The following KIAA1217 variants were observed in gnomAD, a reference collection of about 807,000 sequenced individuals.
The protein encoded by KIAA1217 is sickle tail protein homolog.
In KIAA1217, 88 loss-of-function variants were observed where a neutral mutation model predicts 163.9. The ratio of observed to expected loss-of-function variants is 0.54; its 90% confidence interval spans 0.45 to 0.64. KIAA1217 has a LOEUF of 0.64. Among genes scored for constraint, KIAA1217 ranks in the 30% least tolerant of loss-of-function variants. The pLI is 0.00. For missense variants in KIAA1217, 2,372 were observed against 2,475.0 expected, an observed-to-expected ratio of 0.96 and a Z score of 0.88; for synonymous variants, 903 against 923.1, an observed-to-expected ratio of 0.98 and a Z score of 0.39.
chr10:24,123,252 A>G lies in KIAA1217; in HGVS notation c.-170-96374A>G, dbSNP rs12266752. 4.7e-3 allele frequency among the ~76,000 whole-genome samples: 719 copies of G among 152,180 alleles called. 5 individuals are homozygous for G. Among genetic ancestry groups the G allele is most frequent in the African/African-American group, 0.017 (685 of 41,512 alleles). ...TAAAATTTTAAAATACATAAAGCAT[A>G]GTCCATATTCTTTTGTAACTTTGTT... On this transcript the variant is annotated intron_variant, in intron 2 of 18. Transcript: ENST00000376462.
chr10:23,702,711 ATATAT>A (rs1336497297), intron 1 of KIAA1217, among the ~76,000 whole-genome samples: 2 of 151,536 alleles, frequency 1.3e-5, no homozygotes, highest in African/African-American at 2.4e-5. Flanking sequence ...ACACACACAA[ATATAT>A]TGTATTTTGT....
intron 2 of KIAA1217, among the ~76,000 whole-genome samples, chr10:24,337,829 G>C (rs911013804): frequency 6.6e-6 from 1 of 151,774 alleles, no homozygotes; most frequent in Admixed American, 6.6e-5. Flanking sequence ...ATTTTTAGTA[G>C]AGACAAGGTT....
At chr10:23,766,587 C>CTTTTTTTTT (rs766892555) in intron 1 of KIAA1217, among the ~76,000 whole-genome samples, 28 of 133,752 alleles carry the variant, frequency 2.1e-4, no homozygotes, top group African/African-American at 5.4e-4. Flanking sequence ...TTCTTTCTTT[C>CTTTTTTTTT]TTTTTTCTTT....
chr10:24,412,500 T>C (rs1007511265), intron 3 of KIAA1217, among the ~76,000 whole-genome samples: 1 of 152,242 alleles, frequency 6.6e-6, no homozygotes, highest in Non-Finnish European at 1.5e-5. Context: ...AGGTCACAGA[T>C]GATTCCATGG....
intron 2 of KIAA1217, among the ~76,000 whole-genome samples, chr10:24,178,869 G>A (rs964708603): frequency 6.6e-6 from 1 of 152,072 alleles, no homozygotes; most frequent in Non-Finnish European, 1.5e-5. Flanking sequence ...GACATATGAG[G>A]AAAAACAGAG....
At chr10:23,818,351 A>AATATAT (rs1554802293) in intron 1 of KIAA1217, among the ~76,000 whole-genome samples, 3 of 134,906 alleles carry the variant, frequency 2.2e-5, no homozygotes, top group East Asian at 2.1e-4. Flanking sequence ...TATATAAAAA[A>AATATAT]ATATATATAT....
At chr10:24,445,402 T>C (rs1317740650) in intron 5 of KIAA1217, among the ~76,000 whole-genome samples, 2 of 152,304 alleles carry the variant, frequency 1.3e-5, no homozygotes, top group East Asian at 3.9e-4. Context: ...ATTATTATAC[T>C]TTAAGTTTTA....
intron 2 of KIAA1217, among the ~76,000 whole-genome samples, chr10:24,282,823 C>CTTT (rs34486953): frequency 2.2e-4 from 10 of 46,278 alleles, no homozygotes; most frequent in African/African-American, 4.4e-4. Flanking sequence ...GGTGTTGCTT[C>CTTT]TTTTTTTTTT....
At chr10:24,456,149 G>C (rs550263119) in intron 5 of KIAA1217, among the ~76,000 whole-genome samples, 1 of 152,274 alleles carries the variant, frequency 6.6e-6, no homozygotes, top group South Asian at 2.1e-4. Context: ...GCCTCCCAAA[G>C]TGCTGGGACT....
intron 2 of KIAA1217, among the ~76,000 whole-genome samples, chr10:24,243,192 A>G (rs1208817242): frequency 6.6e-6 from 1 of 152,206 alleles, no homozygotes; most frequent in Non-Finnish European, 1.5e-5. Context: ...AGGGTAGAAA[A>G]GAGTTTTGAA....
At chr10:23,753,357 A>G (rs1833747799) in intron 1 of KIAA1217, among the ~76,000 whole-genome samples, 1 of 152,192 alleles carries the variant, frequency 6.6e-6, no homozygotes, top group Admixed American at 6.5e-5. Flanking sequence ...TGTTAATGGA[A>G]ATAATCTGAG....
intron 1 of KIAA1217, among the ~76,000 whole-genome samples, chr10:23,865,535 A>G (rs1337128976): frequency 6.6e-6 from 1 of 152,136 alleles, no homozygotes; most frequent in East Asian, 1.9e-4. Context: ...GTCTTTTGAC[A>G]TTATTTGTGA....
At chr10:23,932,771 A>G (rs1843309619) in intron 1 of KIAA1217, among the ~76,000 whole-genome samples, 1 of 152,212 alleles carries the variant, frequency 6.6e-6, no homozygotes, top group African/African-American at 2.4e-5. Flanking sequence ...ATTACTTTCT[A>G]GTTGGCAGAT....
At chr10:23,708,054 C>G (rs868438934) in intron 1 of KIAA1217, among the ~76,000 whole-genome samples, 1 of 152,310 alleles carries the variant, frequency 6.6e-6, no homozygotes, top group East Asian at 1.9e-4. Context: ...AATGGACTTA[C>G]AGTTCAATGT....
chr10:24,507,814 A>G (rs978599318), intron 9 of KIAA1217, among the ~76,000 whole-genome samples: 4 of 152,214 alleles, frequency 2.6e-5, no homozygotes, highest in Middle Eastern at 3.2e-3. Context: ...TGGTAGTCAA[A>G]TTGCTAAAAA....
At chr10:24,426,361 C>T (rs1023524734) in intron 3 of KIAA1217, among the ~76,000 whole-genome samples, 1 of 152,120 alleles carries the variant, frequency 6.6e-6, no homozygotes, top group Non-Finnish European at 1.5e-5. Context: ...GGTGGCTCCA[C>T]CTGTAATCCT....
At chr10:23,880,087 G>A (rs1410015490) in intron 1 of KIAA1217, among the ~76,000 whole-genome samples, 1 of 151,848 alleles carries the variant, frequency 6.6e-6, no homozygotes, top group Non-Finnish European at 1.5e-5. Context: ...GAGGGCATAG[G>A]AAGGAGAGAT....
intron 2 of KIAA1217, among the ~76,000 whole-genome samples, chr10:24,182,155 G>T (rs563759400): frequency 6.6e-6 from 1 of 152,282 alleles, no homozygotes; most frequent in East Asian, 1.9e-4. Flanking sequence ...GACTGTGTTG[G>T]CTGGAAGCAG....
Position 24,524,725 on chromosome 10 carries a change from CCA to C in KIAA1217, c.2862_2863del (p.His954GlnfsTer29). The C allele has an allele frequency of 6.2e-7, 1 of 1,609,572 alleles. No homozygotes were observed. Among genetic ancestry groups the C allele is most frequent in the Non-Finnish European group, 8.5e-7 (1 of 1,176,722 alleles). On this transcript the variant is annotated frameshift_variant, in exon 13 of 21. Coordinates refer to ENST00000376454, the MANE Select transcript of KIAA1217 (RefSeq NM_019590.5). LOFTEE classifies it high-confidence loss of function. The stretch of plus-strand genomic sequence containing the variant: ...TGCAGAGCTTGTTCATTGAAGAAAT[CCA>C]CAGTGTGAGTGCCAAGAACAGGGCA... ...AMQSLFIEEI[H>X]SVSAKNRAVS...
Sources: allele counts gnomAD v4.1 joint callset (sites outside exome capture counted in the v4.1 genomes callset), GRCh38; gene constraint gnomAD v4.1.1; transcripts MANE v1.5; gene names NCBI Gene and HGNC (gene_info 2026-07-23, HGNC 2026-07-21).